CDH4: variants seen among roughly 807,000 people sequenced by gnomAD.
CDH4 encodes the protein cadherin-4.
CDH4 carries 33 observed loss-of-function variants against 86.0 expected under a neutral mutation model. The observed-to-expected ratio is 0.38, with a 90% CI of 0.29 to 0.51. The LOEUF is 0.51. CDH4 is among the 20% of genes least tolerant of loss of function. The pLI, the probability that CDH4 is intolerant of heterozygous loss-of-function variation, is 0.86. For missense variants in CDH4, 1,114 were observed against 1,307.4 expected (o/e 0.85, Z 2.28); for synonymous variants, 555 against 549.4 (o/e 1.01, Z -0.14).
intron 11 of CDH4, among the ~76,000 whole-genome samples, chr20:61,925,703 C>T (rs2055037966): frequency 6.6e-6 from 1 of 152,168 alleles, no homozygotes; most frequent in African/African-American, 2.4e-5. Flanking sequence ...GGCTTTTTTT[C>T]TCTCACGTCA....
At chr20:61,819,158 TGTC>T (rs1980887232) in intron 4 of CDH4, among the ~76,000 whole-genome samples, 1 of 152,190 alleles carries the variant, frequency 6.6e-6, no homozygotes, top group Admixed American at 6.5e-5. Flanking sequence ...TCTGCAAGGA[TGTC>T]ACCTCCGCTT....
In CDH4 at chr20:61,565,198, G is replaced by GTTGGTA. The variant is rs1568688333; in HGVS notation, c.170-178365_170-178364insTTGGTA. Among the ~76,000 whole-genome samples the GTTGGTA allele has an allele frequency of 7.9e-5, 5 of 63,370 alleles. No homozygotes were observed. In the East Asian group the frequency reaches 1.5e-3, roughly 19 times the overall value. 41.6% of individuals were successfully genotyped at this position (63,370 alleles called of 152,430 possible). ...TGGTGGTGGTGGTGGTCCTCTTGGT[G>GTTGGTA]GTGGTCGCGGTGCTCTCGGTGGTAG... On this transcript the variant is annotated intron_variant, in intron 2 of 15. Coordinates refer to ENST00000614565, the MANE Select transcript of CDH4 (RefSeq NM_001794.5).
chr20:61,275,083 T>C (rs1480751991), intron 2 of CDH4, among the ~76,000 whole-genome samples: 227 of 41,358 alleles, frequency 5.5e-3, no homozygotes, highest in Admixed American at 7.7e-3. Flanking sequence ...GTACCATGTG[T>C]AGTTTGGGGG....
chr20:61,383,291 AAT>A lies in CDH4; in HGVS notation c.169+128359_169+128360del, dbSNP rs368328489. ...TATATATGAATATATGATATATATG[AAT>A]ATATGTGATATATATGAATATATGT... On this transcript the variant is annotated intron_variant, in intron 2 of 15. Transcript: ENST00000614565. Among the ~76,000 whole-genome samples the A allele has an allele frequency of 1.0e-4, 7 of 69,336 alleles. 1 individual carries two copies. The highest frequency in any genetic ancestry group is 7.2e-4 in the South Asian group (2 of 2,774). The allele number at this position is 69,336 out of a possible 152,430, so 45.5% of individuals were successfully genotyped here.
chr20:61,377,656 C>A lies in CDH4; in HGVS notation c.169+122719C>A, dbSNP rs192184554. Reference sequence around the variant, plus strand: ...TATCTGAAGAACGTGAACCAGATCCCCAGAAAGAACATCCCTTTCAAAACC... The same window carrying A: ...TATCTGAAGAACGTGAACCAGATCCACAGAAAGAACATCCCTTTCAAAACC... On this transcript the variant is annotated intron_variant, in intron 2 of 15. Coordinates refer to ENST00000614565, the MANE Select transcript of CDH4 (RefSeq NM_001794.5). The surrounding 1 kb of genome is among the most constrained non-coding windows in gnomAD (Gnocchi z 4.0). Among the ~76,000 whole-genome samples, 2 of 152,324 alleles carry A rather than the reference C, an allele frequency of 1.3e-5. No individual in the cohort carries two copies. The highest frequency in any genetic ancestry group is 4.8e-5 in the African/African-American group (2 of 41,576).
chr20:61,364,349 G>T (rs73308634), intron 2 of CDH4, among the ~76,000 whole-genome samples: 1 of 151,200 alleles, frequency 6.6e-6, no homozygotes, highest in African/African-American at 2.5e-5. Flanking sequence ...AGGCAACACC[G>T]CAGGGCTATC....
Position 61,676,685 on chromosome 20 carries a change from C to T in CDH4, c.170-66878C>T, listed in dbSNP as rs954194963. On this transcript the variant is annotated intron_variant, in intron 2 of 15. Coordinates refer to ENST00000614565, the MANE Select transcript of CDH4 (RefSeq NM_001794.5). This position sits in a 1 kb window ranked among gnomAD's most constrained non-coding sequence, Gnocchi z 4.5. ...AAACAAACTCAATCCCACACACCCC[C>T]AGGAGCCTATGGAAGTGACCAGATG... Among the ~76,000 whole-genome samples the T allele has an allele frequency of 1.3e-5, 2 of 152,224 alleles. No individual in the cohort carries two copies. The highest frequency in any genetic ancestry group is 6.5e-5 in the Admixed American group (1 of 15,290).
At position 61,754,260 on chromosome 20, in the gene CDH4, C is replaced by T. The variant is rs374828403; in HGVS notation, c.396+10471C>T. Among the ~76,000 whole-genome samples, 22 of 152,284 alleles carry T rather than the reference C, an allele frequency of 1.4e-4. No homozygotes were observed. In the South Asian group the frequency reaches 3.5e-3, roughly 24 times the overall value. On this transcript the variant is annotated intron_variant, in intron 3 of 15. Transcript: ENST00000614565. This position sits in a 1 kb window ranked among gnomAD's most constrained non-coding sequence, Gnocchi z 4.7. The stretch of plus-strand genomic sequence containing the variant: ...GGCTTGTGGACCAGAGCCTTTCAGC[C>T]GAGGTGGAGACTCAGATGGCAGAGT...
intron 2 of CDH4, among the ~76,000 whole-genome samples, chr20:61,497,456 T>C (rs2085670805): frequency 1.3e-5 from 2 of 152,096 alleles, no homozygotes; most frequent in South Asian, 4.1e-4. Flanking sequence ...GGGTTTTTTG[T>C]TGTTGTTAAA....
rs1438031822 is a variant in CDH4 at position 61,810,003 on chromosome 20, T to C, written c.577-34665T>C. On this transcript the variant is annotated intron_variant, in intron 4 of 15. Coordinates refer to ENST00000614565, the MANE Select transcript of CDH4 (RefSeq NM_001794.5). The surrounding 1 kb of genome is among the most constrained non-coding windows in gnomAD (Gnocchi z 4.3). ...AGAAGACCATCGTATCAGTTGGTGA[T>C]TGCCGTGATAATCCTGCATAACAAC... Among the ~76,000 whole-genome samples, 1 of 152,174 alleles carries C rather than the reference T, an allele frequency of 6.6e-6. No homozygotes were observed. Among genetic ancestry groups the C allele is most frequent in the Non-Finnish European group, 1.5e-5 (1 of 68,032 alleles).
intron 5 of CDH4, among the ~76,000 whole-genome samples, chr20:61,845,882 G>A (rs534899837): frequency 9.0e-4 from 137 of 152,360 alleles, no homozygotes; most frequent in African/African-American, 3.2e-3. Context: ...AGCTTCTCAC[G>A]TCTGTGACTA....
intron 7 of CDH4, among the ~76,000 whole-genome samples, chr20:61,878,232 C>G (rs976900980): frequency 2.0e-5 from 3 of 152,214 alleles, no homozygotes; most frequent in Non-Finnish European, 4.4e-5. Context: ...GTTCCCCCTG[C>G]CCCTTTCAAA....
intron 2 of CDH4, among the ~76,000 whole-genome samples, chr20:61,434,440 T>A (rs1005809968): frequency 2.2e-4 from 34 of 152,128 alleles, no homozygotes; most frequent in Admixed American, 7.9e-4. Context: ...GCGATGCATT[T>A]ATGAGATAGA....
rs568497275 is a variant in CDH4 at position 61,392,732 on chromosome 20, A to G, written c.169+137795A>G. On this transcript the variant is annotated intron_variant, in intron 2 of 15. Coordinates refer to ENST00000614565, the MANE Select transcript of CDH4 (RefSeq NM_001794.5). This position sits in a 1 kb window ranked among gnomAD's most constrained non-coding sequence, Gnocchi z 5.7. ...CCGTGCTGTTAAATTTGAACCTTGG[A>G]CTGTTTCTCACAGTATTCATCAGAA... Among the ~76,000 whole-genome samples, 50 of 152,284 alleles carry G rather than the reference A, an allele frequency of 3.3e-4. No homozygotes were observed. The South Asian group carries it at 0.01, about 32-fold the overall frequency.
At chr20:61,658,991 G>T (rs112226844) in intron 2 of CDH4, among the ~76,000 whole-genome samples, 2,581 of 152,282 alleles carry the variant, frequency 0.017, 68 homozygotes, top group African/African-American at 0.059. Context: ...TTTCTAACAG[G>T]CCCCCAGGCT....
chr20:61,905,167 C>T (rs1032330467), intron 8 of CDH4, among the ~76,000 whole-genome samples: 3 of 152,198 alleles, frequency 2.0e-5, no homozygotes, highest in Admixed American at 1.3e-4. Flanking sequence ...TCCCAAGGGG[C>T]CTGAGAGGCT....
intron 2 of CDH4, among the ~76,000 whole-genome samples, chr20:61,416,558 T>C (rs2085148229): frequency 6.6e-6 from 1 of 152,262 alleles, no homozygotes; most frequent in Non-Finnish European, 1.5e-5. Context: ...TTTAACCTAG[T>C]ATTGCTGGAA....
chr20:61,410,182 G>T (rs1255116624), intron 2 of CDH4, among the ~76,000 whole-genome samples: 1 of 152,206 alleles, frequency 6.6e-6, no homozygotes, highest in African/African-American at 2.4e-5. Flanking sequence ...TTAGGGAAAA[G>T]AAGAGTAACT....
rs191960553 is a variant in CDH4 at position 61,852,694 on chromosome 20, G to A, written c.733-60G>A. ...ACCCCAGCACCGCGGGTCCCAGGCC[G>A]CTCTCAGCTGAGTGGGGGTGCCCAC... On this transcript the variant is annotated intron_variant, in intron 5 of 15. Coordinates refer to ENST00000614565, the MANE Select transcript of CDH4 (RefSeq NM_001794.5). The A allele has an allele frequency of 5.1e-5, 80 of 1,560,580 alleles. 1 individual carries two copies. The highest frequency in any genetic ancestry group is 4.0e-4 in the South Asian group (34 of 84,258).
Sources: allele counts gnomAD v4.1 joint callset (sites outside exome capture counted in the v4.1 genomes callset), GRCh38; gene constraint gnomAD v4.1.1; non-coding constraint Gnocchi (gnomAD v3.1); transcripts MANE v1.5; gene names NCBI Gene and HGNC (gene_info 2026-07-23, HGNC 2026-07-21).